CNTN6: variants seen among roughly 807,000 people sequenced by gnomAD.
CNTN6 encodes contactin-6.
CNTN6 carries 137 observed loss-of-function variants against 122.8 expected under a neutral mutation model. The ratio of observed to expected loss-of-function variants is 1.12; its 90% CI spans 0.97 to 1.29. CNTN6 has a LOEUF of 1.29. CNTN6 is among the 50% of genes most tolerant of loss of function. The pLI is 0.00. For synonymous variants in CNTN6, 570 were observed against 426.0 expected (o/e 1.34, Z -4.16); for missense variants, 1,634 against 1,223.4 (o/e 1.34, Z -5.01).
intron 7 of CNTN6, among the ~76,000 whole-genome samples, chr3:1,315,015 A>G (rs1458529305): frequency 1.3e-5 from 2 of 151,916 alleles, no homozygotes; most frequent in African/African-American, 4.8e-5. Flanking sequence ...GTAAAAAGAG[A>G]GAGGGGAGAA....
intron 2 of CNTN6, among the ~76,000 whole-genome samples, chr3:1,194,541 C>A (rs1447076314): frequency 6.6e-6 from 1 of 151,820 alleles, no homozygotes; most frequent in Non-Finnish European, 1.5e-5. Flanking sequence ...TTTCTTTTTT[C>A]ATTTACCATA....
chr3:1,119,214 G>T (rs1427982145), intron 1 of CNTN6, among the ~76,000 whole-genome samples: 1 of 151,390 alleles, frequency 6.6e-6, no homozygotes, highest in Admixed American at 6.6e-5. Context: ...TAAGTTGGTA[G>T]ATGTAGGTCA....
intron 4 of CNTN6, among the ~76,000 whole-genome samples, chr3:1,260,288 C>T (rs910513074): frequency 6.6e-6 from 1 of 152,088 alleles, no homozygotes; most frequent in African/African-American, 2.4e-5. Flanking sequence ...GTGCCTGTGG[C>T]TTCCGGATGG....
chr3:1,190,700 C>A (rs367904622), intron 2 of CNTN6, among the ~76,000 whole-genome samples: 1 of 152,122 alleles, frequency 6.6e-6, no homozygotes, highest in African/African-American at 2.4e-5. Flanking sequence ...CAGAGAACAG[C>A]GGTGAGGGAG....
intron 2 of CNTN6, among the ~76,000 whole-genome samples, chr3:1,152,291 AC>A (rs2092862949): frequency 6.6e-6 from 1 of 151,614 alleles, no homozygotes; most frequent in South Asian, 2.1e-4. Context: ...GGCACGCACC[AC>A]CATGCTGGGC....
At chr3:1,235,825 G>A (rs950688454) in intron 4 of CNTN6, among the ~76,000 whole-genome samples, 1 of 151,958 alleles carries the variant, frequency 6.6e-6, no homozygotes, top group Non-Finnish European at 1.5e-5. Context: ...CTCAGCCCTG[G>A]TCACTAGCTG....
intron 12 of CNTN6, among the ~76,000 whole-genome samples, chr3:1,354,075 T>C (rs1302055177): frequency 2.0e-5 from 3 of 151,450 alleles, no homozygotes; most frequent in Non-Finnish European, 3.0e-5. Context: ...TCTTAAACTT[T>C]GACATCATAA....
At position 1,158,281 on chromosome 3, in the gene CNTN6, C is replaced by T. The variant is rs545535521; in HGVS notation, c.55+10218C>T. On this transcript the variant is annotated intron_variant, in intron 2 of 22. Coordinates refer to ENST00000446702, the MANE Select transcript of CNTN6 (RefSeq NM_001289080.2). ...TTTTGATTCACATTTCTCTGATGAT[C>T]AGTGACATTGAGCACTTTTTCATAT... Among the ~76,000 whole-genome samples, 3 of 152,308 alleles carry T rather than the reference C, an allele frequency of 2.0e-5. No homozygotes were observed. The East Asian group carries it at 5.8e-4, about 29-fold the overall frequency.
At chr3:1,187,562 G>C (rs982753394) in intron 2 of CNTN6, among the ~76,000 whole-genome samples, 1 of 152,120 alleles carries the variant, frequency 6.6e-6, no homozygotes, top group Admixed American at 6.5e-5. Context: ...GCAGGTGTCT[G>C]GGTTTCATTT....
At chr3:1,141,969 AAGAT>A (rs1397237278) in intron 1 of CNTN6, among the ~76,000 whole-genome samples, 1 of 152,086 alleles carries the variant, frequency 6.6e-6, no homozygotes. Context: ...TCCTCTGTAA[AAGAT>A]AGATAAGAGA....
chr3:1,184,152 A>G (rs1049574876), intron 2 of CNTN6, among the ~76,000 whole-genome samples: 2 of 152,142 alleles, frequency 1.3e-5, no homozygotes, highest in Admixed American at 6.6e-5. Flanking sequence ...TCTGTGTTTT[A>G]TTGGTTAGAA....
At chr3:1,158,969 C>CACATATATATATATAT in intron 2 of CNTN6, among the ~76,000 whole-genome samples, 1 of 112,982 alleles carries the variant, frequency 8.9e-6, no homozygotes, top group South Asian at 2.5e-4. Flanking sequence ...CACACACACA[C>CACATATATATATATAT]ATATATATAT....
rs182935171 is a variant in CNTN6, at chr3:1,357,107, T to C, written c.1492+4656T>C. Among the ~76,000 whole-genome samples, 29 of 152,008 alleles carry C rather than the reference T, an allele frequency of 1.9e-4. No homozygotes were observed. The East Asian group carries it at 4.9e-3, about 25-fold the overall frequency. On this transcript the variant is annotated intron_variant, in intron 12 of 22. Coordinates refer to ENST00000446702, the MANE Select transcript of CNTN6 (RefSeq NM_001289080.2). ...TTTTCTTAATGTATATTTTACAAAA[T>C]ATAATGTAAAGGATAGATGTTAATA...
chr3:1,296,410 A>G (rs985653355), intron 6 of CNTN6, among the ~76,000 whole-genome samples: 1 of 152,164 alleles, frequency 6.6e-6, no homozygotes, highest in Non-Finnish European at 1.5e-5. Context: ...TAGTCAAGTC[A>G]TGGCTGGTAC....
intron 1 of CNTN6, among the ~76,000 whole-genome samples, chr3:1,111,807 G>A (rs2091492945): frequency 6.6e-6 from 1 of 152,014 alleles, no homozygotes; most frequent in African/African-American, 2.4e-5. Context: ...ATGAGGCTGG[G>A]CAATCTTATT....
rs940334344 is a variant in CNTN6, at chr3:1,165,734, G to T, written c.55+17671G>T. ...CATTACTATTGTTTCCATTTGTAAT[G>T]AAGAAATCAAAGCTGAAGAGGTTAA... is the stretch of plus-strand genomic sequence containing the variant. On this transcript the variant is annotated intron_variant, in intron 2 of 22. Transcript: ENST00000446702. Among the ~76,000 whole-genome samples, 4 of 152,144 alleles carry T rather than the reference G, an allele frequency of 2.6e-5. No individual in the cohort carries two copies. In the South Asian group the frequency reaches 6.2e-4, roughly 24 times the overall value.
At chr3:1,338,595 C>T (rs751073993) in intron 11 of CNTN6, among the ~76,000 whole-genome samples, 1 of 152,108 alleles carries the variant, frequency 6.6e-6, no homozygotes, top group Non-Finnish European at 1.5e-5. Context: ...GATATAAATC[C>T]TTAGTTCTCC....
At chr3:1,220,558 T>G (rs905986840) in intron 2 of CNTN6, 129 bp from the exon 3 acceptor site, 1 of 841,080 alleles carries the variant, frequency 1.2e-6, no homozygotes, top group Non-Finnish European at 1.7e-6. Context: ...TGTAATACTT[T>G]TTGTGAATTT....
chr3:1,145,167 A>G (rs1375900621), intron 1 of CNTN6, among the ~76,000 whole-genome samples: 1 of 152,192 alleles, frequency 6.6e-6, no homozygotes, highest in Non-Finnish European at 1.5e-5. Context: ...TCGTCAAGAT[A>G]ACAGTTGTGA....
Sources: gnomAD v4.1 joint callset for allele counts (sites outside exome capture counted in the v4.1 genomes callset) on GRCh38, gnomAD v4.1.1 for gene constraint, MANE v1.5 for transcripts, NCBI Gene and HGNC (gene_info 2026-07-23, HGNC 2026-07-21) for gene names.